The following JARID2 variants were observed in gnomAD, a reference collection of about 807,000 sequenced individuals.
The protein encoded by JARID2 is protein Jumonji.
Under a neutral mutation model 125.6 loss-of-function variants are expected in JARID2, and 21 were observed. The observed-to-expected ratio is 0.17, with a 90% confidence interval of 0.12 to 0.24. The LOEUF is 0.24. JARID2 is among the 10% of genes least tolerant of loss of function. The pLI, the probability that JARID2 is intolerant of heterozygous loss-of-function variation, is 1.00. For synonymous variants in JARID2, 736 were observed against 661.6 expected (o/e 1.11, Z -1.73); for missense variants, 1,303 against 1,639.6 (o/e 0.79, Z 3.55).
intron 1 of JARID2, among the ~76,000 whole-genome samples, chr6:15,332,188 A>G (rs1405250474): frequency 1.3e-5 from 2 of 152,274 alleles, no homozygotes; most frequent in Admixed American, 6.5e-5. Context: ...AATTTTATGC[A>G]GAAACAACTA....
intron 1 of JARID2, among the ~76,000 whole-genome samples, chr6:15,274,673 G>A (rs1489985553): frequency 2.0e-5 from 3 of 152,124 alleles, no homozygotes; most frequent in Non-Finnish European, 4.4e-5. Context: ...ACTTAGCCAG[G>A]GCAATATTGT....
intron 5 of JARID2, among the ~76,000 whole-genome samples, chr6:15,481,916 CCTCCCTCTCGT>C (rs1196701018): frequency 2.0e-5 from 3 of 152,172 alleles, no homozygotes; most frequent in Non-Finnish European, 4.4e-5. Flanking sequence ...ATTTCACCTG[CCTCCCTCTCGT>C]CTCCGTTTCC....
At chr6:15,415,240 C>A (rs184590652) in intron 3 of JARID2, among the ~76,000 whole-genome samples, 1 of 152,234 alleles carries the variant, frequency 6.6e-6, no homozygotes, top group African/African-American at 2.4e-5. Context: ...GGCAACCATC[C>A]GATCTCTCAA....
Position 15,416,335 on chromosome 6 carries a change from G to T in JARID2, c.323+5970G>T, listed in dbSNP as rs1271500271. Among the ~76,000 whole-genome samples the T allele has an allele frequency of 5.9e-5, 9 of 152,292 alleles. No individual in the cohort carries two copies. The East Asian group carries it at 1.6e-3, about 26-fold the overall frequency. ...TCGGCACTTTGGGAGGCCAAGGCAG[G>T]CGGCTGGGAGGTGGAGTTTGTAGCG... On this transcript the variant is annotated intron_variant, in intron 3 of 17. Transcript: ENST00000341776.
At chr6:15,453,107 A>T (rs1007156201) in intron 4 of JARID2, among the ~76,000 whole-genome samples, 8 of 152,238 alleles carry the variant, frequency 5.3e-5, no homozygotes, top group Non-Finnish European at 1.0e-4. Context: ...TCAAATAAGT[A>T]CATTTTCCTA....
At chr6:15,401,726 A>G (rs1765443227) in intron 2 of JARID2, among the ~76,000 whole-genome samples, 1 of 152,154 alleles carries the variant, frequency 6.6e-6, no homozygotes, top group African/African-American at 2.4e-5. Context: ...GTCTGTAAAC[A>G]CAGATGAATT....
chr6:15,321,689 C>A (rs1032770638), intron 1 of JARID2, among the ~76,000 whole-genome samples: 1 of 147,718 alleles, frequency 6.8e-6, no homozygotes, highest in African/African-American at 2.5e-5. Flanking sequence ...TTAACAAGAA[C>A]AAACAACAGA....
intron 1 of JARID2, among the ~76,000 whole-genome samples, 188 bp downstream of exon 1, chr6:15,246,772 T>A (rs1421659312): frequency 6.6e-6 from 1 of 152,188 alleles, no homozygotes; most frequent in East Asian, 1.9e-4. Flanking sequence ...AAAAACAGAC[T>A]GGTGTAGAGA....
intron 3 of JARID2, among the ~76,000 whole-genome samples, chr6:15,433,921 GGTGTGTGTGTGTGTGTGTGTGT>G (rs146025914): frequency 2.9e-4 from 38 of 131,378 alleles, no homozygotes; most frequent in Admixed American, 5.4e-4. Flanking sequence ...CACTCTCCAG[GGTGTGTGTGTGTGTGTGTGTGT>G]GTGTGTGTGT....
At chr6:15,472,438 T>C (rs2299040) in intron 5 of JARID2, among the ~76,000 whole-genome samples, 102,370 of 152,054 alleles carry the variant, frequency 0.67, 34,725 homozygotes, top group East Asian at 0.81. Context: ...CTGAAAGGCC[T>C]TTCTCACATC....
intron 4 of JARID2, among the ~76,000 whole-genome samples, chr6:15,459,746 C>T (rs1464030914): frequency 6.6e-6 from 1 of 152,100 alleles, no homozygotes; most frequent in Non-Finnish European, 1.5e-5. Context: ...TTGATGTGGT[C>T]CTAGCCTTGA....
At chr6:15,476,319 C>T (rs1769337999) in intron 5 of JARID2, among the ~76,000 whole-genome samples, 1 of 152,198 alleles carries the variant, frequency 6.6e-6, no homozygotes, top group African/African-American at 2.4e-5. Context: ...CACAAAAGAG[C>T]AGAGTGGCTC....
In JARID2 at chr6:15,370,787, CTT is replaced by C. The variant is rs1764138982; in HGVS notation, c.46-3328_46-3327del. Among the ~76,000 whole-genome samples, 8 of 152,276 alleles carry C rather than the reference CTT, an allele frequency of 5.3e-5. No homozygotes were observed. The South Asian group carries it at 1.7e-3, about 32-fold the overall frequency. ...TTGGATAGGTTGAGTGCAGGCACAC[CTT>C]TGCTGTCTGCATCTGGGATTCTGCT... On this transcript the variant is annotated intron_variant, in intron 1 of 17. Transcript: ENST00000341776.
intron 12 of JARID2, chr6:15,509,126 C>CTG (rs1771151733): frequency 1.2e-5 from 15 of 1,288,736 alleles, no homozygotes; most frequent in Non-Finnish European, 1.5e-5. Flanking sequence ...CTGACTCTCA[C>CTG]TGTAGCCATC....
chr6:15,467,411 T>G (rs1206083722), intron 4 of JARID2, among the ~76,000 whole-genome samples: 1 of 152,204 alleles, frequency 6.6e-6, no homozygotes, highest in Non-Finnish European at 1.5e-5. Flanking sequence ...CTTTTACTAT[T>G]AGACTGAAGG....
intron 17 of JARID2, among the ~76,000 whole-genome samples, chr6:15,519,385 G>A (rs1317170130): frequency 3.3e-5 from 5 of 152,126 alleles, no homozygotes; most frequent in Admixed American, 6.5e-5. Context: ...CATCTTGAGG[G>A]CTTTTCAGAG....
rs556503955 is a variant in JARID2 at position 15,251,439 on chromosome 6, C to A, written c.45+4855C>A. The stretch of plus-strand genomic sequence containing the variant: ...ATCCTGATGTTACTGGTCCACGTCT[C>A]CCCCAGGATTACAGTAGTAGCAGCT... On this transcript the variant is annotated intron_variant, in intron 1 of 17. Transcript: ENST00000341776. Among the ~76,000 whole-genome samples the A allele has an allele frequency of 2.6e-5, 4 of 152,336 alleles. No homozygotes were observed. In the South Asian group the frequency reaches 8.3e-4, roughly 32 times the overall value.
intron 4 of JARID2, among the ~76,000 whole-genome samples, chr6:15,458,125 C>T (rs1291176936): frequency 1.3e-5 from 2 of 152,172 alleles, no homozygotes; most frequent in East Asian, 1.9e-4. Context: ...TGCAGTGATT[C>T]GTACCATCGC....
chr6:15,433,203 G>T (rs1055567751), intron 3 of JARID2, among the ~76,000 whole-genome samples: 1 of 152,190 alleles, frequency 6.6e-6, no homozygotes, highest in Non-Finnish European at 1.5e-5. Context: ...TATGTCTGTG[G>T]TTAAGAATTT....
Sources: allele counts gnomAD v4.1 joint callset (sites outside exome capture counted in the v4.1 genomes callset), GRCh38; gene constraint gnomAD v4.1.1; transcripts MANE v1.5; gene names NCBI Gene and HGNC (gene_info 2026-07-23, HGNC 2026-07-21).